Variants in MAGI1 observed in about 807,000 individuals in gnomAD.
MAGI1 encodes the protein membrane associated guanylate kinase, WW and PDZ domain containing 1.
A neutral mutation model predicts 139.9 loss-of-function variants in MAGI1; 58 were observed. That is an observed-to-expected ratio of 0.41 (90% CI 0.34 to 0.52). The LOEUF is 0.52. MAGI1 is among the 20% of genes least tolerant of loss of function. The probability of loss-of-function intolerance (pLI) is 0.12; values close to 1 mark genes in which losing one functional copy is unlikely to be tolerated. For synonymous variants in MAGI1, 812 were observed against 737.9 expected, an observed-to-expected ratio of 1.10 and a Z score of -1.63; for missense variants, 1,874 against 1,901.6, an observed-to-expected ratio of 0.99 and a Z score of 0.27.
At chr3:65,372,692 C>T (rs1277687561) in intron 18 of MAGI1, among the ~76,000 whole-genome samples, 2 of 152,204 alleles carry the variant, frequency 1.3e-5, no homozygotes, top group African/African-American at 4.8e-5. Flanking sequence ...CACCTTCATC[C>T]ATGATCTTAA....
intron 1 of MAGI1, among the ~76,000 whole-genome samples, chr3:65,902,324 T>C (rs549368396): frequency 6.6e-6 from 1 of 152,130 alleles, no homozygotes; most frequent in Non-Finnish European, 1.5e-5. Flanking sequence ...CTGCTCCCAG[T>C]CTGAATGCAA....
At chr3:65,876,885 A>G (rs1363144329) in intron 1 of MAGI1, among the ~76,000 whole-genome samples, 1 of 151,774 alleles carries the variant, frequency 6.6e-6, no homozygotes, top group Admixed American at 6.6e-5. Context: ...CTGGGACTAC[A>G]GGCACCTGCC....
chr3:65,612,479 G>A (rs1465166193), intron 2 of MAGI1, among the ~76,000 whole-genome samples: 1 of 152,040 alleles, frequency 6.6e-6, no homozygotes, highest in Non-Finnish European at 1.5e-5. Context: ...AAATAATGAT[G>A]TGTTATTGGT....
intron 1 of MAGI1, among the ~76,000 whole-genome samples, chr3:65,749,579 G>A (rs1045091602): frequency 1.4e-4 from 21 of 151,982 alleles, no homozygotes; most frequent in African/African-American, 5.1e-4. Flanking sequence ...AGTGTATACT[G>A]CTTGCATGAT....
intron 2 of MAGI1, among the ~76,000 whole-genome samples, chr3:65,502,310 T>TTATC: frequency 6.6e-6 from 1 of 152,392 alleles, no homozygotes; most frequent in East Asian, 1.9e-4. Context: ...GAGGTCTGAA[T>TTATC]TATCCTATTA....
At chr3:65,626,714 A>G (rs1014029691) in intron 1 of MAGI1, among the ~76,000 whole-genome samples, 1 of 152,208 alleles carries the variant, frequency 6.6e-6, no homozygotes, top group Non-Finnish European at 1.5e-5. Context: ...TCATCAAACT[A>G]AAACTCCCCT....
intron 1 of MAGI1, among the ~76,000 whole-genome samples, chr3:65,969,212 C>T (rs1048703182): frequency 1.3e-5 from 2 of 152,158 alleles, no homozygotes; most frequent in South Asian, 4.1e-4. Context: ...TCTCACTGTA[C>T]AATAGTAGCT....
chr3:65,956,152 G>A (rs1457977385), intron 1 of MAGI1, among the ~76,000 whole-genome samples: 1 of 152,096 alleles, frequency 6.6e-6, no homozygotes, highest in Non-Finnish European at 1.5e-5. Context: ...CCTAAAAATA[G>A]ATAAACTAAA....
intron 1 of MAGI1, among the ~76,000 whole-genome samples, chr3:65,690,953 A>T (rs1225627403): frequency 6.6e-6 from 1 of 152,194 alleles, no homozygotes. Flanking sequence ...ACCTAATTTT[A>T]GACTGTCCAG....
chr3:65,660,357 T>C (rs1354601221), intron 1 of MAGI1, among the ~76,000 whole-genome samples: 1 of 152,224 alleles, frequency 6.6e-6, no homozygotes, highest in Non-Finnish European at 1.5e-5. Flanking sequence ...ATTATACAAA[T>C]AATCACAATA....
chr3:65,896,655 T>C (rs2060982222), intron 1 of MAGI1, among the ~76,000 whole-genome samples: 1 of 152,040 alleles, frequency 6.6e-6, no homozygotes, highest in Non-Finnish European at 1.5e-5. Flanking sequence ...AGGCAGGGCA[T>C]CAGAGACCCC....
chr3:65,790,499 A>T (rs1440988882), intron 1 of MAGI1, among the ~76,000 whole-genome samples: 1 of 152,186 alleles, frequency 6.6e-6, no homozygotes, highest in Non-Finnish European at 1.5e-5. Context: ...ACTAAAAGCC[A>T]AATTAGATGG....
intron 1 of MAGI1, among the ~76,000 whole-genome samples, chr3:65,769,809 G>T (rs542641398): frequency 1.4e-4 from 21 of 152,242 alleles, no homozygotes; most frequent in African/African-American, 4.8e-4. Context: ...AGGTGAGAAG[G>T]CATCTTCAAG....
intron 2 of MAGI1, among the ~76,000 whole-genome samples, chr3:65,553,858 C>CT (rs2079967543): frequency 6.6e-6 from 1 of 152,146 alleles, no homozygotes; most frequent in African/African-American, 2.4e-5. Context: ...TTCGCTAATT[C>CT]TCATTATCTC....
At chr3:65,849,270 C>A (rs1247103457) in intron 1 of MAGI1, among the ~76,000 whole-genome samples, 1 of 150,930 alleles carries the variant, frequency 6.6e-6, no homozygotes, top group African/African-American at 2.4e-5. Flanking sequence ...GGTGATCCAC[C>A]CGCCTCAGTC....
chr3:65,867,066 T>A (rs2059754034), intron 1 of MAGI1, among the ~76,000 whole-genome samples: 1 of 152,134 alleles, frequency 6.6e-6, no homozygotes, highest in African/African-American at 2.4e-5. Context: ...TTGGGGTGAG[T>A]TGCTTAGTTT....
intron 2 of MAGI1, among the ~76,000 whole-genome samples, chr3:65,589,671 A>G (rs946835391): frequency 4.6e-5 from 7 of 151,600 alleles, no homozygotes; most frequent in African/African-American, 1.7e-4. Context: ...TGTCACAACT[A>G]CTCAACACTC....
intron 1 of MAGI1, among the ~76,000 whole-genome samples, chr3:66,024,652 C>CAA: frequency 6.6e-6 from 1 of 152,048 alleles, no homozygotes; most frequent in African/African-American, 2.4e-5. Flanking sequence ...AATAAAAATA[C>CAA]AAAATTAGCT....
At chr3:65,962,122 ATTTTT>A (rs567359350) in intron 1 of MAGI1, among the ~76,000 whole-genome samples, 7 of 122,502 alleles carry the variant, frequency 5.7e-5, no homozygotes, top group African/African-American at 1.8e-4. Context: ...ATCTGATTGT[ATTTTT>A]TTTTTTTTTT....
Sources: gnomAD v4.1 joint callset for allele counts (sites outside exome capture counted in the v4.1 genomes callset) on GRCh38, gnomAD v4.1.1 for gene constraint, MANE v1.5 for transcripts, NCBI Gene and HGNC (gene_info 2026-07-23, HGNC 2026-07-21) for gene names.